Variants in SPIDR observed in about 807,000 individuals in gnomAD.
SPIDR encodes the protein DNA repair-scaffolding protein.
SPIDR carries 93 observed loss-of-function variants against 104.6 expected under a neutral mutation model. The observed-to-expected ratio is 0.89, with a 90% CI of 0.75 to 1.06. The LOEUF (loss-of-function observed/expected upper bound fraction) is 1.06, where lower values mean the gene tolerates loss of function less well. Among genes scored for constraint, SPIDR ranks in the 50% least tolerant of loss-of-function variants. The pLI, the probability that SPIDR is intolerant of heterozygous loss-of-function variation, is 0.00. For missense variants in SPIDR, 1,154 were observed against 1,111.2 expected, an observed-to-expected ratio of 1.04 and a Z score of -0.55; for synonymous variants, 431 against 416.9, an observed-to-expected ratio of 1.03 and a Z score of -0.41.
intron 8 of SPIDR, among the ~76,000 whole-genome samples, chr8:47,554,251 T>C (rs867354096): frequency 8.5e-5 from 13 of 152,214 alleles, no homozygotes; most frequent in Admixed American, 7.2e-4. Flanking sequence ...AACTCCGTGC[T>C]GGGAGAACCA....
At chr8:47,630,673 G>A (rs1263953339) in intron 10 of SPIDR, among the ~76,000 whole-genome samples, 2 of 152,180 alleles carry the variant, frequency 1.3e-5, no homozygotes, top group African/African-American at 4.8e-5. Context: ...AGGACCTGTA[G>A]CTTGTCTCAG....
intron 7 of SPIDR, among the ~76,000 whole-genome samples, chr8:47,428,329 C>T (rs1005063257): frequency 6.6e-5 from 10 of 152,258 alleles, no homozygotes; most frequent in East Asian, 5.8e-4. Context: ...TTCTTTGATG[C>T]GGTATTTTCC....
At chr8:47,331,737 A>G (rs2154268298) in intron 5 of SPIDR, among the ~76,000 whole-genome samples, 1 of 152,224 alleles carries the variant, frequency 6.6e-6, no homozygotes, top group East Asian at 1.9e-4. Flanking sequence ...AGCTTACTGT[A>G]ACGTTTTTAC....
At chr8:47,265,713 A>G (rs73582848) in intron 1 of SPIDR, among the ~76,000 whole-genome samples, 2,750 of 152,248 alleles carry the variant, frequency 0.018, 84 homozygotes, top group African/African-American at 0.064. Context: ...ATTTATTTTT[A>G]TTGAGATAAC....
chr8:47,424,747 G>T (rs537414613), intron 7 of SPIDR, among the ~76,000 whole-genome samples: 21 of 152,308 alleles, frequency 1.4e-4, no homozygotes, highest in African/African-American at 4.3e-4. Context: ...GAAATTTTTT[G>T]GGGGAAAGGG....
intron 8 of SPIDR, among the ~76,000 whole-genome samples, chr8:47,444,604 A>T (rs73565244): frequency 2.0e-5 from 3 of 152,110 alleles, no homozygotes; most frequent in Non-Finnish European, 2.9e-5. Context: ...GTTGCTTTCT[A>T]TTTTTAGCTG....
intron 8 of SPIDR, among the ~76,000 whole-genome samples, chr8:47,577,018 C>T (rs562068431): frequency 7.9e-5 from 12 of 152,204 alleles, no homozygotes; most frequent in African/African-American, 2.2e-4. Context: ...ATAAAATGTG[C>T]GTATTGTTGG....
At chr8:47,429,534 A>C (rs1554687580) in intron 7 of SPIDR, among the ~76,000 whole-genome samples, 1 of 152,218 alleles carries the variant, frequency 6.6e-6, no homozygotes, top group African/African-American at 2.4e-5. Context: ...AATATAAGCA[A>C]ATAAGAACTG....
intron 8 of SPIDR, among the ~76,000 whole-genome samples, chr8:47,528,693 A>G (rs1056805915): frequency 4.6e-5 from 7 of 150,776 alleles, no homozygotes; most frequent in African/African-American, 1.7e-4. Flanking sequence ...TAGACTGGAC[A>G]TGGCCACTGA....
At chr8:47,642,134 C>T (rs973690693) in intron 10 of SPIDR, among the ~76,000 whole-genome samples, 5 of 152,174 alleles carry the variant, frequency 3.3e-5, no homozygotes, top group East Asian at 1.9e-4. Flanking sequence ...GTCAAGAATT[C>T]GACATGTGGC....
intron 8 of SPIDR, among the ~76,000 whole-genome samples, chr8:47,530,078 G>C (rs2085697042): frequency 6.6e-6 from 1 of 152,182 alleles, no homozygotes; most frequent in African/African-American, 2.4e-5. Context: ...CATCTAGGCT[G>C]TATGGTATAG....
At chr8:47,451,136 T>A (rs2071644022) in intron 8 of SPIDR, among the ~76,000 whole-genome samples, 1 of 152,128 alleles carries the variant, frequency 6.6e-6, no homozygotes, top group Admixed American at 6.5e-5. Flanking sequence ...TTAAATATGT[T>A]CAAGGAGTTA....
chr8:47,453,936 C>G (rs2072418723), intron 8 of SPIDR, among the ~76,000 whole-genome samples: 1 of 152,164 alleles, frequency 6.6e-6, no homozygotes, highest in African/African-American at 2.4e-5. Context: ...GAGATACCAT[C>G]TTACACCAGT....
chr8:47,494,530 T>C (rs1383776164), intron 8 of SPIDR, among the ~76,000 whole-genome samples: 2 of 152,196 alleles, frequency 1.3e-5, no homozygotes, highest in South Asian at 2.1e-4. Flanking sequence ...AGATTTCATA[T>C]TGATTGAATT....
rs545555100 is a variant in SPIDR at position 47,492,825 on chromosome 8, G to A, written c.1097+52283G>A. Among the ~76,000 whole-genome samples the A allele has an allele frequency of 3.3e-5, 5 of 152,260 alleles. No individual in the cohort carries two copies. The East Asian group carries it at 7.7e-4, about 24-fold the overall frequency. On this transcript the variant is annotated intron_variant, in intron 8 of 19. Coordinates refer to ENST00000297423, the MANE Select transcript of SPIDR (RefSeq NM_001080394.4). ...TTTCCTTCATGCAGCTTCTCCAAGT[G>A]CATTTTCTGTTGTTCTGCCATTCAT...
At chr8:47,615,030 T>C (rs1384094688) in intron 10 of SPIDR, among the ~76,000 whole-genome samples, 1 of 152,178 alleles carries the variant, frequency 6.6e-6, no homozygotes, top group Non-Finnish European at 1.5e-5. Context: ...AGGTTGTCTT[T>C]TTACTTTCTT....
chr8:47,468,473 C>G lies in SPIDR; in HGVS notation c.1097+27931C>G, dbSNP rs150315650. ...AATCTATACAACAGGGCTGCAGTAACAAAGACAGTATAGTACTGGTACAAA... is the reference window on the plus strand; with the variant it reads ...AATCTATACAACAGGGCTGCAGTAAGAAAGACAGTATAGTACTGGTACAAA... On this transcript the variant is annotated intron_variant, in intron 8 of 19. Transcript: ENST00000297423. 4.0e-3 allele frequency among the ~76,000 whole-genome samples: 614 copies of G among 152,248 alleles called. 4 individuals are homozygous for G. Among genetic ancestry groups the G allele is most frequent in the South Asian group, 0.022 (108 of 4,824 alleles).
intron 10 of SPIDR, among the ~76,000 whole-genome samples, chr8:47,665,019 C>T (rs535094558): frequency 1.3e-5 from 2 of 151,696 alleles, no homozygotes; most frequent in Admixed American, 6.6e-5. Context: ...AATGAGAGTG[C>T]GAGAGAGAGA....
At chr8:47,353,040 G>A (rs2053847358) in intron 5 of SPIDR, among the ~76,000 whole-genome samples, 1 of 140,370 alleles carries the variant, frequency 7.1e-6, no homozygotes, top group Non-Finnish European at 1.5e-5. Flanking sequence ...GCGACAGAGC[G>A]GGACTCTATC....
Sources: allele counts gnomAD v4.1 joint callset (sites outside exome capture counted in the v4.1 genomes callset), GRCh38; gene constraint gnomAD v4.1.1; transcripts MANE v1.5; gene names NCBI Gene and HGNC (gene_info 2026-07-23, HGNC 2026-07-21).